KREMEN1: variants seen among roughly 807,000 people sequenced by gnomAD.
KREMEN1 encodes kremen protein 1.
A neutral mutation model predicts 46.5 loss-of-function variants in KREMEN1; 30 were observed. The observed-to-expected ratio is 0.65, with a 90% CI of 0.48 to 0.88. KREMEN1 has a LOEUF of 0.88. Among genes scored for constraint, KREMEN1 ranks in the 40% least tolerant of loss-of-function variants. KREMEN1 has a pLI of 0.00. For synonymous variants in KREMEN1, 214 were observed against 230.6 expected, an observed-to-expected ratio of 0.93 and a Z score of 0.65; for missense variants, 533 against 596.9, an observed-to-expected ratio of 0.89 and a Z score of 1.11.
Position 29,145,118 on chromosome 22 carries a change from G to A in KREMEN1, c.*3006G>A, listed in dbSNP as rs553385852. ...AGTTAGAACCAGGTAGAAAGTCAGC[G>A]ACACCCCACAGAAGGCCACTGCGGC... On this transcript the variant is annotated 3_prime_UTR_variant, in exon 9 of 9. Transcript: ENST00000400335. 2.1e-5 allele frequency: 21 copies of A among 986,008 alleles called. No homozygotes were observed. In the South Asian group the frequency reaches 4.7e-4, roughly 22 times the overall value. The allele number at this position is 986,008 out of a possible 1,614,324, so 61.1% of individuals were successfully genotyped here. A position where few individuals can be genotyped will look rare whatever the true frequency, so the allele number is the denominator to read the frequency against.
Position 29,142,118 on chromosome 22 carries a change from C to G in KREMEN1, c.*6C>G, listed in dbSNP as rs764121134. 1.3e-6 allele frequency: 2 copies of G among 1,587,936 alleles called. No individual in the cohort carries two copies. The highest frequency in any genetic ancestry group is 1.7e-6 in the Non-Finnish European group (2 of 1,167,970). The stretch of plus-strand genomic sequence containing the variant: ...ATCCCCTTGTGAGTGACTAAAAACC[C>G]CACTGTGCCTAGGACTTGAGGTCCC... On this transcript the variant is annotated 3_prime_UTR_variant, in exon 9 of 9. Coordinates refer to ENST00000400335, the MANE Select transcript of KREMEN1 (RefSeq NM_001039570.3).
chr22:29,125,779 C>G (rs1185835704), intron 5 of KREMEN1, among the ~76,000 whole-genome samples: 1 of 151,912 alleles, frequency 6.6e-6, no homozygotes, highest in African/African-American at 2.4e-5. Flanking sequence ...ATTTCCAAAC[C>G]CTTTTGACTG....
rs561931058 is a variant in KREMEN1, at chr22:29,105,453, G to A, written c.352+6500G>A. ...TTTGTGCCCCTGCATGTGCATGAGC[G>A]TGCGTGTGCGCACACACACACACAT... On this transcript the variant is annotated intron_variant, in intron 3 of 8. Coordinates refer to ENST00000400335, the MANE Select transcript of KREMEN1 (RefSeq NM_001039570.3). 3.6e-5 allele frequency among the ~76,000 whole-genome samples: 5 copies of A among 137,454 alleles called. 1 individual carries two copies. The highest frequency in any genetic ancestry group is 2.5e-4 in the South Asian group (1 of 3,996). 90.2% of individuals were successfully genotyped at this position (137,454 alleles called of 152,430 possible). A position where few individuals can be genotyped will look rare whatever the true frequency, so the allele number is the denominator to read the frequency against.
At chr22:29,151,779 G>T (rs529198544), downstream of KREMEN1, among the ~76,000 whole-genome samples, 1 of 152,122 alleles carries the variant, frequency 6.6e-6, no homozygotes, top group African/African-American at 2.4e-5. Context: ...GGAGGCTGAG[G>T]TGGGTGGATC....
At chr22:29,123,005 CAGTAGGCTAAT>C (rs2145817385) in intron 4 of KREMEN1, among the ~76,000 whole-genome samples, 1 of 126,670 alleles carries the variant, frequency 7.9e-6, no homozygotes, top group South Asian at 2.5e-4. Flanking sequence ...ATCTCCAAAA[CAGTAGGCTAAT>C]TGAAAGAACT....
chr22:29,130,907 G>T (rs1212171096), intron 5 of KREMEN1, among the ~76,000 whole-genome samples: 2 of 152,160 alleles, frequency 1.3e-5, no homozygotes, highest in Admixed American at 6.5e-5. Flanking sequence ...TTTCCTGTTG[G>T]ATTATCACTG....
intron 5 of KREMEN1, among the ~76,000 whole-genome samples, chr22:29,130,007 C>T (rs1441516248): frequency 6.6e-6 from 1 of 152,248 alleles, no homozygotes; most frequent in African/African-American, 2.4e-5. Context: ...CCTGTTGGGA[C>T]TCCCTTGGCT....
rs200956019 is a variant in KREMEN1, at chr22:29,120,534, C to CAG, written c.353-823_353-822insAG. ...GAGGAGGGAGAGGTGATGATGGAAA[C>CAG]GGAGGAGGGAGAGGTGACGATGGAA... On this transcript the variant is annotated intron_variant, in intron 3 of 8. Coordinates refer to ENST00000400335, the MANE Select transcript of KREMEN1 (RefSeq NM_001039570.3). Among the ~76,000 whole-genome samples, 42 of 59,542 alleles carry CAG rather than the reference C, an allele frequency of 7.1e-4. 1 individual carries two copies. The highest frequency in any genetic ancestry group is 1.4e-3 in the Admixed American group (6 of 4,416). The allele number at this position is 59,542 out of a possible 152,430, so 39.1% of individuals were successfully genotyped here.
chr22:29,123,785 A>G (rs941549255), intron 4 of KREMEN1, among the ~76,000 whole-genome samples: 1 of 152,198 alleles, frequency 6.6e-6, no homozygotes, highest in Non-Finnish European at 1.5e-5. Context: ...GTGAGACTCT[A>G]TCTGAAAAAC....
rs116190886 is a variant in KREMEN1, at chr22:29,165,888, G to A, written c.1417-1156G>A. Among the ~76,000 whole-genome samples, 387 of 152,352 alleles carry A rather than the reference G, an allele frequency of 2.5e-3. 3 individuals are homozygous for A. Among genetic ancestry groups the A allele is most frequent in the African/African-American group, 9.0e-3 (375 of 41,588 alleles). ...AGGTCAAGGGGAGCTTAGGCCCTGG[G>A]AGGGCGCCCGTTAGCAGCGGGGAGA... On this transcript the variant is annotated intron_variant, in intron 9 of 9. Coordinates refer to the KREMEN1 transcript ENST00000327813.
chr22:29,141,168 C>G (rs1325727026), intron 8 of KREMEN1, among the ~76,000 whole-genome samples: 2 of 152,098 alleles, frequency 1.3e-5, no homozygotes, highest in African/African-American at 2.4e-5. Flanking sequence ...CACATTGGAA[C>G]CCCTTTACAT....
chr22:29,090,137 A>C (rs1318360957), intron 1 of KREMEN1, among the ~76,000 whole-genome samples: 1 of 152,230 alleles, frequency 6.6e-6, no homozygotes, highest in African/African-American at 2.4e-5. Context: ...ATATTTGCTG[A>C]ACTAATTAAT....
intron 4 of KREMEN1, 133 bp from the exon 5 acceptor site, chr22:29,125,130 G>C: frequency 1.2e-6 from 1 of 852,032 alleles, no homozygotes; most frequent in Non-Finnish European, 1.9e-6. Flanking sequence ...GTGGAAGAAG[G>C]GGGAGGTCCC....
chr22:29,131,560 A>ATATATGTGTGTGTGTG (rs1240832937), intron 5 of KREMEN1, among the ~76,000 whole-genome samples: 1 of 69,976 alleles, frequency 1.4e-5, no homozygotes, highest in African/African-American at 8.4e-5. Context: ...ATATATATAT[A>ATATATGTGTGTGTGTG]TGTGTGTGTG....
chr22:29,107,001 C>G (rs2038070550), intron 3 of KREMEN1, among the ~76,000 whole-genome samples: 1 of 152,148 alleles, frequency 6.6e-6, no homozygotes, highest in Non-Finnish European at 1.5e-5. Flanking sequence ...TGCTGCCCAA[C>G]AGAGCCACTC....
chr22:29,151,273 T>C (rs76756977), downstream of KREMEN1, among the ~76,000 whole-genome samples: 1,296 of 152,282 alleles, frequency 8.5e-3, 16 homozygotes, highest in African/African-American at 0.029. Flanking sequence ...GCATGATTAT[T>C]TGAAAGTTAA....
chr22:29,166,756 T>G (rs1434945070), intron 9 of KREMEN1, among the ~76,000 whole-genome samples: 1 of 151,808 alleles, frequency 6.6e-6, no homozygotes, highest in Non-Finnish European at 1.5e-5. Flanking sequence ...CTGGGCAATA[T>G]AGTGAGACCC....
At position 29,140,372 on chromosome 22, in the gene KREMEN1, T is replaced by G. The variant is rs367765569; in HGVS notation, c.1208+6T>G. On this transcript the variant is annotated splice_donor_region_variant and intron_variant, in intron 8 of 8. Coordinates refer to ENST00000400335, the MANE Select transcript of KREMEN1 (RefSeq NM_001039570.3). The stretch of plus-strand genomic sequence containing the variant: ...CTTCTGCACGTCACATTCAAGTGAG[T>G]ACAAGAGGGAGCTGCCCAATTCCAG... 5.2e-5 allele frequency: 83 copies of G among 1,603,602 alleles called. No individual in the cohort carries two copies. The highest frequency in any genetic ancestry group is 6.9e-5 in the Non-Finnish European group (81 of 1,170,608).
chr22:29,121,096 CA>C (rs1236195357), intron 3 of KREMEN1, among the ~76,000 whole-genome samples: 1 of 117,696 alleles, frequency 8.5e-6, no homozygotes, highest in Non-Finnish European at 1.9e-5. Context: ...CAATATTAAA[CA>C]GTTTTTTTTT....
Sources: allele counts gnomAD v4.1 joint callset (sites outside exome capture counted in the v4.1 genomes callset), GRCh38; gene constraint gnomAD v4.1.1; transcripts MANE v1.5; gene names NCBI Gene and HGNC (gene_info 2026-07-23, HGNC 2026-07-21).